ATP10A: variants seen among roughly 807,000 people sequenced by gnomAD.
ATP10A encodes the protein ATPase phospholipid transporting 10A (putative).
ATP10A carries 111 observed loss-of-function variants against 147.8 expected under a neutral mutation model. The observed-to-expected ratio is 0.75, with a 90% CI of 0.64 to 0.88. ATP10A has a LOEUF of 0.88. Ranked by LOEUF, ATP10A falls within the 40% of genes least tolerant of loss-of-function variation. The pLI, the probability that ATP10A is intolerant of heterozygous loss-of-function variation, is 0.00. For missense variants in ATP10A, 1,927 were observed against 1,959.0 expected (o/e 0.98, Z 0.31); for synonymous variants, 875 against 841.6 (o/e 1.04, Z -0.69).
intron 1 of ATP10A, among the ~76,000 whole-genome samples, chr15:25,823,442 A>G (rs924257760): frequency 2.6e-5 from 4 of 152,212 alleles, no homozygotes; most frequent in African/African-American, 9.6e-5. Context: ...AGTTCAAATA[A>G]CAACTGAAAA....
At chr15:25,695,522 G>A (rs1039594147) in intron 13 of ATP10A, among the ~76,000 whole-genome samples, 9 of 152,128 alleles carry the variant, frequency 5.9e-5, no homozygotes, top group South Asian at 2.1e-4. Flanking sequence ...CCAGCTACTC[G>A]GGAGGCTGAG....
chr15:25,756,459 C>T (rs926196166), intron 2 of ATP10A, among the ~76,000 whole-genome samples: 10 of 152,100 alleles, frequency 6.6e-5, no homozygotes, highest in Non-Finnish European at 8.8e-5. Context: ...CCGGCTAACA[C>T]GGTGAAACCC....
intron 1 of ATP10A, among the ~76,000 whole-genome samples, chr15:25,835,905 C>T (rs1411834611): frequency 2.0e-5 from 3 of 152,202 alleles, no homozygotes; most frequent in Non-Finnish European, 2.9e-5. Context: ...GCTCTGCCTC[C>T]GGGGCTCACG....
At position 25,721,703 on chromosome 15, in the gene ATP10A, G is replaced by A; in HGVS notation, c.1317C>T (p.Phe439=). ...CTACACCAGACACAGTGCATCTTCG[G>A]AAAACCATCTTATTCTCTGTCAAAG... The part of the protein sequence containing the change: ...TGTLTENKMV[F]RRCTVSGVEY... The change falls in exon 7 of 21, where the codon TTC becomes TTT. Residue 439 remains phenylalanine (F), a synonymous_variant. Transcript: ENST00000555815. 1.9e-6 allele frequency: 3 copies of A among 1,614,076 alleles called. No homozygotes were observed. The highest frequency in any genetic ancestry group is 1.7e-6 in the Non-Finnish European group (2 of 1,180,020).
chr15:25,681,015 A>G lies in ATP10A; in HGVS notation c.3552T>C (p.Val1184=). ...NMADAAFQSL[V]CFSIPYLAYY... ...TTACCAGGTAAGGAATGGAAAAGCA[A>G]ACCAGGCTCTGGAAGGCGGCGTCGG... Residue 1184 remains valine, a synonymous_variant, in exon 18 of 21, where the codon GTT becomes GTC. Coordinates refer to ENST00000555815, the MANE Select transcript of ATP10A (RefSeq NM_024490.4). 2 of 1,614,164 alleles carry G rather than the reference A, an allele frequency of 1.2e-6. No homozygotes were observed. The highest frequency in any genetic ancestry group is 1.7e-6 in the Non-Finnish European group (2 of 1,180,012).
At chr15:25,845,293 C>T (rs1596991129) in intron 1 of ATP10A, among the ~76,000 whole-genome samples, 1 of 151,510 alleles carries the variant, frequency 6.6e-6, no homozygotes, top group East Asian at 2.0e-4. Context: ...CCTTCAAAAT[C>T]AGGAAATCAG....
At chr15:25,837,737 C>T (rs1892655438) in intron 1 of ATP10A, among the ~76,000 whole-genome samples, 1 of 152,232 alleles carries the variant, frequency 6.6e-6, no homozygotes, top group Non-Finnish European at 1.5e-5. Context: ...AGGCACCTTC[C>T]TGCTTTGCGC....
chr15:25,731,142 A>T (rs886697379), intron 3 of ATP10A, among the ~76,000 whole-genome samples: 5 of 152,186 alleles, frequency 3.3e-5, no homozygotes, highest in Admixed American at 3.3e-4. Context: ...CCTACTCCAA[A>T]ATGCAGCTGG....
intron 2 of ATP10A, among the ~76,000 whole-genome samples, chr15:25,756,177 T>C (rs1445741966): frequency 6.6e-6 from 1 of 152,230 alleles, no homozygotes; most frequent in Non-Finnish European, 1.5e-5. Flanking sequence ...TTTAGGACAA[T>C]GGAACAGGTA....
At chr15:25,836,026 G>A (rs1385138171) in intron 1 of ATP10A, among the ~76,000 whole-genome samples, 1 of 152,190 alleles carries the variant, frequency 6.6e-6, no homozygotes, top group Non-Finnish European at 1.5e-5. Flanking sequence ...TGTTAGCCAG[G>A]ATGGTCTCGA....
At chr15:25,809,972 G>T (rs1891355966) in intron 1 of ATP10A, among the ~76,000 whole-genome samples, 1 of 148,434 alleles carries the variant, frequency 6.7e-6, no homozygotes, top group Non-Finnish European at 1.5e-5. Flanking sequence ...GAAAATCTGG[G>T]ACATGCATGG....
chr15:25,814,974 G>A (rs960927753), intron 1 of ATP10A, among the ~76,000 whole-genome samples: 5 of 152,044 alleles, frequency 3.3e-5, no homozygotes, highest in African/African-American at 4.8e-5. Flanking sequence ...AATCCACCTG[G>A]CTTATGAAGA....
intron 10 of ATP10A, 175 bp from the exon 11 acceptor site, chr15:25,708,475 T>TGCAAAA (rs1266865954): frequency 3.3e-6 from 2 of 613,888 alleles, no homozygotes; most frequent in Non-Finnish European, 5.7e-6. Context: ...CTCATCAATA[T>TGCAAAA]GTTTGACTGT....
intron 13 of ATP10A, among the ~76,000 whole-genome samples, chr15:25,701,107 A>G (rs769476726): frequency 1.3e-5 from 2 of 152,190 alleles, no homozygotes; most frequent in Non-Finnish European, 2.9e-5. Context: ...GCGTCTGTAC[A>G]ATGTGGACAA....
At chr15:25,749,192 G>A (rs1888019521) in intron 2 of ATP10A, among the ~76,000 whole-genome samples, 1 of 151,174 alleles carries the variant, frequency 6.6e-6, no homozygotes, top group African/African-American at 2.4e-5. Context: ...TTTACTACAT[G>A]TAAACACACA....
chr15:25,679,740 G>A lies in ATP10A; in HGVS notation c.4101C>T (p.Ser1367=), dbSNP rs139061181. 44 of 1,613,128 alleles carry A rather than the reference G, an allele frequency of 2.7e-5. No homozygotes were observed. The highest frequency in any genetic ancestry group is 3.4e-5 in the Non-Finnish European group (40 of 1,179,992). ...TQQPVCSLEA[S]GEPSTVDMSM... ...TCATGTCCACTGTGCTGGGCTCCCC[G>A]CTGGCCTCCAGGGAGCAGACCGGCT... The change falls in exon 21 of 21, where the codon AGC becomes AGT. Residue 1367 remains serine, a synonymous_variant. Coordinates refer to ENST00000555815, the MANE Select transcript of ATP10A (RefSeq NM_024490.4).
chr15:25,690,930 G>T (rs983609666), intron 15 of ATP10A, among the ~76,000 whole-genome samples: 2 of 152,134 alleles, frequency 1.3e-5, no homozygotes, highest in African/African-American at 4.8e-5. Flanking sequence ...ATCTAGCTTG[G>T]GACCCTCCAT....
Position 25,680,765 on chromosome 15 carries a change from G to T in ATP10A, c.3678+45C>A, listed in dbSNP as rs199742813. On this transcript the variant is annotated intron_variant, in intron 19 of 20. Coordinates refer to ENST00000555815, the MANE Select transcript of ATP10A (RefSeq NM_024490.4). ...ATCTGCAGGGAAGTGTGGGGTCCAC[G>T]GCATCAGTGCTCTTCTGAGACGTGG... The T allele has an allele frequency of 8.3e-5, 128 of 1,542,814 alleles. No individual in the cohort carries two copies. In the African/African-American group the frequency reaches 1.5e-3, roughly 18 times the overall value.
intron 1 of ATP10A, among the ~76,000 whole-genome samples, chr15:25,837,959 A>C (rs28650022): frequency 0.2 from 31,187 of 152,252 alleles, 3,361 homozygotes; most frequent in South Asian, 0.33. Context: ...GGAGGATGGA[A>C]GAGGGACAGC....
Sources: gnomAD v4.1 joint callset for allele counts (sites outside exome capture counted in the v4.1 genomes callset) on GRCh38, gnomAD v4.1.1 for gene constraint, MANE v1.5 for transcripts, NCBI Gene and HGNC (gene_info 2026-07-23, HGNC 2026-07-21) for gene names.